Variants in TRAPPC9 observed in about 807,000 individuals in gnomAD.
TRAPPC9 encodes IKK2 binding protein.
TRAPPC9 carries 83 observed loss-of-function variants against 124.0 expected under a neutral mutation model. The observed-to-expected ratio is 0.67, with a 90% CI of 0.56 to 0.80. The LOEUF (loss-of-function observed/expected upper bound fraction) is 0.80, where lower values mean the gene tolerates loss of function less well. Among genes scored for constraint, TRAPPC9 ranks in the 30% least tolerant of loss-of-function variants. The pLI, the probability that TRAPPC9 is intolerant of heterozygous loss-of-function variation, is 0.00. For missense variants in TRAPPC9, 1,302 were observed against 1,508.3 expected, an observed-to-expected ratio of 0.86 and a Z score of 2.27; for synonymous variants, 638 against 617.5, an observed-to-expected ratio of 1.03 and a Z score of -0.49.
intron 17 of TRAPPC9, among the ~76,000 whole-genome samples, chr8:140,031,914 A>G (rs1840519574): frequency 6.6e-6 from 1 of 152,212 alleles, no homozygotes; most frequent in African/African-American, 2.4e-5. Context: ...TAGAAGACCA[A>G]GTTGAAAGTC....
At chr8:140,077,031 T>C (rs965849274) in intron 17 of TRAPPC9, among the ~76,000 whole-genome samples, 2 of 151,986 alleles carry the variant, frequency 1.3e-5, no homozygotes, top group Admixed American at 1.3e-4. Context: ...CTGCGCATGG[T>C]AGCACACACC....
chr8:139,796,145 AGAG>A (rs1318210535), intron 21 of TRAPPC9, among the ~76,000 whole-genome samples: 2 of 141,772 alleles, frequency 1.4e-5, no homozygotes, highest in African/African-American at 2.6e-5. Flanking sequence ...AGGAGGAGGA[AGAG>A]GAGGAGGAAG....
intron 17 of TRAPPC9, among the ~76,000 whole-genome samples, chr8:140,139,655 C>CA (rs999229134): frequency 1.0e-4 from 15 of 150,486 alleles, no homozygotes; most frequent in East Asian, 1.9e-4. Context: ...AAGCCAGATA[C>CA]AAAAAAAAAG....
intron 19 of TRAPPC9, among the ~76,000 whole-genome samples, chr8:139,972,493 G>A (rs1178763160): frequency 6.6e-6 from 1 of 152,060 alleles, no homozygotes; most frequent in Non-Finnish European, 1.5e-5. Flanking sequence ...CCTCTCCGGG[G>A]AGGCTACGCC....
intron 11 of TRAPPC9, among the ~76,000 whole-genome samples, chr8:140,293,587 TC>T (rs1359306793): frequency 6.6e-6 from 1 of 151,980 alleles, no homozygotes; most frequent in African/African-American, 2.4e-5. Context: ...AAATTGGAAA[TC>T]ATCATTCTCA....
At position 140,264,665 on chromosome 8, in the gene TRAPPC9, G is replaced by A. The variant is rs367874048; in HGVS notation, c.2278+10993C>T. Among the ~76,000 whole-genome samples, 165 of 152,098 alleles carry A rather than the reference G, an allele frequency of 1.1e-3. 3 individuals are homozygous for A. In the South Asian group the frequency reaches 0.034, roughly 32 times the overall value. On this transcript the variant is annotated intron_variant, in intron 15 of 22. Coordinates refer to ENST00000438773, the MANE Select transcript of TRAPPC9 (RefSeq NM_001160372.4). ...CAGGGGAGAGAGAGAGATGGACCCA[G>A]GAAATGTAGACAAAGGCACCTGACT...
intron 16 of TRAPPC9, among the ~76,000 whole-genome samples, chr8:140,231,481 CTTTTTTTTTTT>C (rs71320347): frequency 1.6e-4 from 9 of 56,990 alleles, no homozygotes; most frequent in South Asian, 8.3e-4. Flanking sequence ...ACTGCCTTTT[CTTTTTTTTTTT>C]TTTTTTTTTT....
chr8:140,229,890 T>A (rs2063551779), intron 16 of TRAPPC9, among the ~76,000 whole-genome samples: 1 of 152,192 alleles, frequency 6.6e-6, no homozygotes, highest in African/African-American at 2.4e-5. Context: ...AATATTCCCT[T>A]GGCCTCTAAA....
chr8:140,369,136 C>T (rs1346420478), intron 8 of TRAPPC9, among the ~76,000 whole-genome samples: 4 of 152,136 alleles, frequency 2.6e-5, no homozygotes, highest in African/African-American at 9.7e-5. Flanking sequence ...GACCCCTGCT[C>T]GAAGCTAACC....
At chr8:140,413,576 T>G (rs2069786545) in intron 5 of TRAPPC9, among the ~76,000 whole-genome samples, 1 of 150,386 alleles carries the variant, frequency 6.6e-6, no homozygotes, top group South Asian at 2.1e-4. Flanking sequence ...TAGTTACATA[T>G]GTATACATGT....
intron 20 of TRAPPC9, among the ~76,000 whole-genome samples, chr8:139,897,852 T>C (rs1280276809): frequency 6.6e-6 from 1 of 152,240 alleles, no homozygotes; most frequent in Non-Finnish European, 1.5e-5. Flanking sequence ...GGAGCTCACC[T>C]TCAAAGCAGC....
At chr8:140,144,047 T>C (rs2061420516) in intron 17 of TRAPPC9, among the ~76,000 whole-genome samples, 2 of 152,256 alleles carry the variant, frequency 1.3e-5, no homozygotes, top group Admixed American at 1.3e-4. Flanking sequence ...ATTTGTCTAT[T>C]TGTCAAATAA....
At chr8:140,408,715 C>T (rs184992765) in intron 5 of TRAPPC9, among the ~76,000 whole-genome samples, 30 of 151,962 alleles carry the variant, frequency 2.0e-4, no homozygotes, top group African/African-American at 7.0e-4. Context: ...GGGATCGAGT[C>T]CTCCAGCACC....
At chr8:140,138,854 T>C (rs1040071041) in intron 17 of TRAPPC9, among the ~76,000 whole-genome samples, 3 of 152,094 alleles carry the variant, frequency 2.0e-5, no homozygotes, top group Admixed American at 6.5e-5. Context: ...CACGGCAGCA[T>C]GGTCAACCCT....
intron 17 of TRAPPC9, chr8:140,099,661 A>G (rs924411625): frequency 6.8e-6 from 1 of 147,990 alleles, no homozygotes; most frequent in Non-Finnish European, 1.5e-5. Flanking sequence ...TGCAAGGGAG[A>G]CACCCAGCTA....
intron 17 of TRAPPC9, among the ~76,000 whole-genome samples, chr8:140,163,588 G>A (rs1438216418): frequency 6.6e-6 from 1 of 152,226 alleles, no homozygotes; most frequent in Non-Finnish European, 1.5e-5. Context: ...ACCAGACAGG[G>A]GAACGCTGTG....
At chr8:140,214,129 G>A (rs1040318971) in intron 17 of TRAPPC9, among the ~76,000 whole-genome samples, 14 of 152,202 alleles carry the variant, frequency 9.2e-5, no homozygotes, top group East Asian at 3.8e-4. Context: ...TCCTGTTGCC[G>A]GGCATTTCTG....
chr8:139,828,246 C>G (rs933996331), intron 21 of TRAPPC9, among the ~76,000 whole-genome samples: 9 of 152,186 alleles, frequency 5.9e-5, no homozygotes, highest in Admixed American at 5.9e-4. Context: ...CACACTGTAC[C>G]TGGTACACAG....
intron 17 of TRAPPC9, among the ~76,000 whole-genome samples, chr8:140,077,600 G>A (rs949547666): frequency 7.2e-5 from 11 of 151,900 alleles, no homozygotes; most frequent in Non-Finnish European, 1.5e-5. Context: ...ATGCTTGCTG[G>A]GGGGACTCCA....
Sources: gnomAD v4.1 joint callset for allele counts (sites outside exome capture counted in the v4.1 genomes callset) on GRCh38, gnomAD v4.1.1 for gene constraint, MANE v1.5 for transcripts, NCBI Gene and HGNC (gene_info 2026-07-23, HGNC 2026-07-21) for gene names.